NRP2: variants seen among roughly 807,000 people sequenced by gnomAD.
NRP2 encodes neuropilin 2, also known as neuropilin-2.
Under a neutral mutation model 110.4 loss-of-function variants are expected in NRP2, and 52 were observed. The ratio of observed to expected loss-of-function variants is 0.47; its 90% CI spans 0.38 to 0.59. The LOEUF is 0.59. Among genes scored for constraint, NRP2 ranks in the 20% least tolerant of loss-of-function variants. NRP2 has a pLI of 0.00. For synonymous variants in NRP2, 508 were observed against 468.9 expected, an observed-to-expected ratio of 1.08 and a Z score of -1.08; for missense variants, 1,049 against 1,203.0, an observed-to-expected ratio of 0.87 and a Z score of 1.89.
intron 10 of NRP2, among the ~76,000 whole-genome samples, chr2:205,746,123 C>A (rs1445850049): frequency 6.6e-6 from 1 of 152,194 alleles, no homozygotes; most frequent in Non-Finnish European, 1.5e-5. Context: ...AGTTCTCCAA[C>A]CCGAGTCTCT....
At chr2:205,728,142 C>A in intron 7 of NRP2, 96 bp downstream of exon 7, 1 of 1,402,144 alleles carries the variant, frequency 7.1e-7, no homozygotes, top group Non-Finnish European at 1.0e-6. Flanking sequence ...GAGAGAGGGC[C>A]TTGTGTAGTC....
At chr2:205,749,682 A>T (rs773802941) in intron 10 of NRP2, 43 bp from the exon 11 acceptor site, 1 of 1,506,992 alleles carries the variant, frequency 6.6e-7, no homozygotes, top group Non-Finnish European at 9.2e-7. Flanking sequence ...GTTGCAACAC[A>T]GGCTGCTACA....
rs751890151 is a variant in NRP2, at chr2:205,743,294, C to A, written c.1383C>A (p.Ser461Arg). Reference sequence around the variant, plus strand: ...CTTCCACCCAGGAATACCTCTGGAGCCCCAGTGCAGCCCGCCTGGTTAGCA... The same window carrying A: ...CTTCCACCCAGGAATACCTCTGGAGACCCAGTGCAGCCCGCCTGGTTAGCA... ...SASSTQEYLW[S>R]PSAARLVSSR... The change falls in exon 9 of 17, where the codon AGC becomes AGA. Residue 461 changes from serine (S) to arginine (R), a missense_variant. Physicochemically the swap from Ser to Arg is moderately radical, Grantham distance 110. Coordinates refer to ENST00000357785, the MANE Select transcript of NRP2 (RefSeq NM_003872.3). 1 of 1,614,152 alleles carries A rather than the reference C, an allele frequency of 6.2e-7. No homozygotes were observed. Among genetic ancestry groups the A allele is most frequent in the Non-Finnish European group, 8.5e-7 (1 of 1,179,994 alleles).
intron 2 of NRP2, among the ~76,000 whole-genome samples, chr2:205,713,813 A>G (rs1575574491): frequency 6.6e-6 from 1 of 152,108 alleles, no homozygotes; most frequent in East Asian, 1.9e-4. Context: ...ATATTTTTTC[A>G]AAATATATGC....
chr2:205,689,769 A>G (rs1254954950), intron 1 of NRP2, among the ~76,000 whole-genome samples: 1 of 151,690 alleles, frequency 6.6e-6, no homozygotes, highest in Non-Finnish European at 1.5e-5. Flanking sequence ...ATCCTTCAAC[A>G]CTGAGAGTGT....
At chr2:205,782,030 T>G (rs112797803) in intron 15 of NRP2, among the ~76,000 whole-genome samples, 1,951 of 151,778 alleles carry the variant, frequency 0.013, 38 homozygotes, top group Middle Eastern at 0.052. Context: ...ACCTAAACAC[T>G]GAAGAGCGAC....
Position 205,776,242 on chromosome 2 carries a change from C to T in NRP2, c.2425+9439C>T, listed in dbSNP as rs757230200. 9.9e-6 allele frequency: 16 copies of T among 1,612,180 alleles called. No homozygotes were observed. The East Asian group carries it at 3.6e-4, about 36-fold the overall frequency. ...AGCAACACTCTTCTGTGTCTCTCCA[C>T]CAGGGGGCACCCTCCTGCCAGGGAC... On this transcript the variant is annotated intron_variant, in intron 15 of 16. Transcript: ENST00000357785.
At position 205,763,554 on chromosome 2, in the gene NRP2, A is replaced by G. The variant is rs2057859416; in HGVS notation, c.2045-120A>G. On this transcript the variant is annotated intron_variant, in intron 12 of 16. Transcript: ENST00000357785. This position sits in a 1 kb window ranked among gnomAD's most constrained non-coding sequence, Gnocchi z 4.0. ...GTCACAGAGCCTGGAGAACAAGGAC[A>G]TGAATAAACCAAAGACACCGAAACT... 7.0e-6 allele frequency: 9 copies of G among 1,290,084 alleles called. No homozygotes were observed. The South Asian group carries it at 1.1e-4, about 15-fold the overall frequency. 79.9% of individuals were successfully genotyped at this position (1,290,084 alleles called of 1,614,324 possible).
At chr2:205,697,128 C>T (rs1048487316) in intron 1 of NRP2, among the ~76,000 whole-genome samples, 4 of 151,528 alleles carry the variant, frequency 2.6e-5, no homozygotes, top group Admixed American at 6.6e-5. Context: ...TGGGAGACAC[C>T]GAATAAAATG....
intron 15 of NRP2, among the ~76,000 whole-genome samples, chr2:205,769,444 C>A (rs548180559): frequency 2.1e-4 from 31 of 150,778 alleles, no homozygotes; most frequent in Non-Finnish European, 3.7e-4. Flanking sequence ...TCTTGCCATG[C>A]AATATTATTT....
intron 15 of NRP2, chr2:205,776,629 C>T: frequency 6.3e-7 from 1 of 1,591,666 alleles, no homozygotes. Flanking sequence ...TGTGAACTCT[C>T]AGACATCTCT....
intron 2 of NRP2, among the ~76,000 whole-genome samples, chr2:205,703,010 CA>C (rs1434389389): frequency 1.3e-5 from 2 of 152,224 alleles, no homozygotes; most frequent in African/African-American, 4.8e-5. Flanking sequence ...GAGTTCTCAG[CA>C]AGTAAATTCT....
At chr2:205,757,118 A>C (rs968123071) in intron 12 of NRP2, among the ~76,000 whole-genome samples, 2 of 152,180 alleles carry the variant, frequency 1.3e-5, no homozygotes, top group Non-Finnish European at 2.9e-5. Flanking sequence ...GTATTACTTC[A>C]ATGACTTTCA....
At chr2:205,746,823 G>A (rs1371041214) in intron 10 of NRP2, among the ~76,000 whole-genome samples, 1 of 152,232 alleles carries the variant, frequency 6.6e-6, no homozygotes, top group Non-Finnish European at 1.5e-5. Context: ...TGGCTCCCAG[G>A]GAGAAAAATG....
chr2:205,776,237 C>G (rs1231195836), intron 15 of NRP2: 2 of 1,611,688 alleles, frequency 1.2e-6, no homozygotes, highest in South Asian at 2.2e-5. Context: ...TTCTGTGTCT[C>G]TCCACCAGGG....
intron 1 of NRP2, among the ~76,000 whole-genome samples, chr2:205,687,619 A>G (rs1210064316): frequency 1.3e-5 from 2 of 152,292 alleles, no homozygotes; most frequent in South Asian, 4.2e-4. Flanking sequence ...TTGGAGTTTT[A>G]TGTCATCCCA....
chr2:205,740,788 A>G (rs2057426246), intron 8 of NRP2, 125 bp downstream of exon 8: 3 of 1,045,912 alleles, frequency 2.9e-6, no homozygotes, highest in South Asian at 1.5e-5. Flanking sequence ...TCAAGGACTC[A>G]AGTCCTACCA....
intron 1 of NRP2, among the ~76,000 whole-genome samples, chr2:205,684,014 G>T (rs995840618): frequency 2.6e-5 from 4 of 152,170 alleles, no homozygotes; most frequent in African/African-American, 9.7e-5. Context: ...AAAGTAAATC[G>T]TACGTTCTTT....
intron 15 of NRP2, among the ~76,000 whole-genome samples, chr2:205,769,487 T>G (rs912587010): frequency 1.5e-5 from 2 of 137,616 alleles, no homozygotes; most frequent in African/African-American, 5.6e-5. Context: ...TTCTGCTGTG[T>G]GTGTGTATAT....
Sources: gnomAD v4.1 joint callset for allele counts (sites outside exome capture counted in the v4.1 genomes callset) on GRCh38, gnomAD v4.1.1 for gene constraint, Gnocchi (gnomAD v3.1) non-coding constraint, MANE v1.5 for transcripts, NCBI Gene and HGNC (gene_info 2026-07-23, HGNC 2026-07-21) for gene names.